The following SPATA17 variants were observed in gnomAD, a reference collection of about 807,000 sequenced individuals.
The protein encoded by SPATA17 is spermatogenesis-associated protein 17.
A neutral mutation model predicts 62.2 loss-of-function variants in SPATA17; 53 were observed. The observed-to-expected ratio is 0.85, with a 90% CI of 0.68 to 1.07. SPATA17 has a LOEUF of 1.07. Ranked by LOEUF, SPATA17 falls within the 50% of genes least tolerant of loss-of-function variation. The pLI, the probability that SPATA17 is intolerant of heterozygous loss-of-function variation, is 0.00. For missense variants in SPATA17, 466 were observed against 425.5 expected (o/e 1.10, Z -0.84); for synonymous variants, 146 against 146.8 (o/e 0.99, Z 0.04).
chr1:217,799,513 T>G (rs1674250053), intron 8 of SPATA17, among the ~76,000 whole-genome samples: 2 of 152,162 alleles, frequency 1.3e-5, no homozygotes, highest in Admixed American at 1.3e-4. Flanking sequence ...ATAATCTATC[T>G]TATATGAGAG....
intron 5 of SPATA17, among the ~76,000 whole-genome samples, chr1:217,716,287 C>G (rs1043064773): frequency 6.6e-6 from 1 of 152,060 alleles, no homozygotes; most frequent in Non-Finnish European, 1.5e-5. Flanking sequence ...AGAATAGAAA[C>G]GTGAAAGAAG....
At chr1:217,808,832 T>A (rs1228029103) in intron 9 of SPATA17, among the ~76,000 whole-genome samples, 1 of 149,296 alleles carries the variant, frequency 6.7e-6, no homozygotes, top group Non-Finnish European at 1.5e-5. Flanking sequence ...TCCAGTCTGG[T>A]GACAGAGCGA....
Position 217,631,365 on chromosome 1 carries a change from A to G in SPATA17, c.-14A>G, listed in dbSNP as rs1669761956. On this transcript the variant is annotated 5_prime_UTR_variant, in exon 1 of 11. Transcript: ENST00000366933. ...CGGTAGTAACACCAGTTGTAAACCC[A>G]AGGCCAAGAGACCATGGCCACGTTA... The G allele has an allele frequency of 2.5e-6, 4 of 1,614,076 alleles. No individual in the cohort carries two copies. The highest frequency in any genetic ancestry group is 2.2e-5 in the South Asian group (2 of 91,080).
intron 3 of SPATA17, 128 bp downstream of exon 3, chr1:217,651,306 G>A: frequency 4.5e-6 from 3 of 670,326 alleles, no homozygotes; most frequent in Non-Finnish European, 7.1e-6. Context: ...ACAAAATTGG[G>A]CTTAATTTTT....
intron 5 of SPATA17, among the ~76,000 whole-genome samples, chr1:217,715,405 AT>A (rs1285447233): frequency 6.6e-6 from 1 of 152,146 alleles, no homozygotes; most frequent in African/African-American, 2.4e-5. Flanking sequence ...TAATATGAAC[AT>A]TATTCCAATT....
chr1:217,730,397 A>G (rs564273921), intron 5 of SPATA17, among the ~76,000 whole-genome samples: 35 of 152,040 alleles, frequency 2.3e-4, no homozygotes, highest in South Asian at 4.1e-4. Context: ...TTGTATTTTT[A>G]GTAGAGACAG....
At position 217,725,114 on chromosome 1, in the gene SPATA17, C is replaced by G. The variant is rs1379215585; in HGVS notation, c.396-16861C>G. ...TTGTCACACTGAATATTGAATCTCT[C>G]TGGAATCTATTTAATACAAGGAGTG... is the stretch of plus-strand genomic sequence containing the variant. On this transcript the variant is annotated intron_variant, in intron 5 of 10. Transcript: ENST00000366933. Among the ~76,000 whole-genome samples the G allele has an allele frequency of 4.6e-5, 7 of 152,122 alleles. 1 individual carries two copies. Among genetic ancestry groups the G allele is most frequent in the Admixed American group, 3.3e-4 (5 of 15,280 alleles).
At chr1:217,859,343 C>CTA (rs974873113) in intron 9 of SPATA17, among the ~76,000 whole-genome samples, 26 of 149,114 alleles carry the variant, frequency 1.7e-4, no homozygotes, top group African/African-American at 6.1e-4. Context: ...ATGTAATTTT[C>CTA]TATATATATA....
At chr1:217,741,410 C>T (rs1432738787) in intron 5 of SPATA17, among the ~76,000 whole-genome samples, 3 of 152,056 alleles carry the variant, frequency 2.0e-5, no homozygotes, top group African/African-American at 2.4e-5. Context: ...TTCGAATTAT[C>T]TGTGTAATTG....
intron 4 of SPATA17, among the ~76,000 whole-genome samples, chr1:217,681,468 G>A (rs930479999): frequency 1.1e-4 from 16 of 151,878 alleles, no homozygotes; most frequent in Non-Finnish European, 1.9e-4. Flanking sequence ...CTGCCTCCCC[G>A]GTTCAAGCGA....
At chr1:217,737,143 C>T (rs1290056084) in intron 5 of SPATA17, among the ~76,000 whole-genome samples, 1 of 152,174 alleles carries the variant, frequency 6.6e-6, no homozygotes, top group Non-Finnish European at 1.5e-5. Context: ...AATTCTAACT[C>T]TGTCACTTTC....
intron 9 of SPATA17, among the ~76,000 whole-genome samples, chr1:217,812,700 T>C (rs539269109): frequency 7.9e-4 from 121 of 152,214 alleles, no homozygotes; most frequent in Non-Finnish European, 1.2e-3. Context: ...TTAATCTATT[T>C]GGGTAGATCT....
At chr1:217,865,352 A>C (rs1427911197) in intron 10 of SPATA17, among the ~76,000 whole-genome samples, 1 of 152,190 alleles carries the variant, frequency 6.6e-6, no homozygotes, top group African/African-American at 2.4e-5. Flanking sequence ...CCTTTATCAG[A>C]TTAATCTTTC....
intron 9 of SPATA17, among the ~76,000 whole-genome samples, chr1:217,835,444 G>A (rs563884016): frequency 4.7e-4 from 71 of 152,114 alleles, no homozygotes; most frequent in Non-Finnish European, 8.1e-4. Flanking sequence ...GAATTAGCTG[G>A]CGTATTTATC....
At chr1:217,859,100 G>A (rs1291134883) in intron 9 of SPATA17, among the ~76,000 whole-genome samples, 2 of 145,992 alleles carry the variant, frequency 1.4e-5, no homozygotes, top group African/African-American at 2.5e-5. Context: ...ATTATATAGA[G>A]AGAAATGTTT....
intron 5 of SPATA17, among the ~76,000 whole-genome samples, chr1:217,716,004 A>G (rs17725494): frequency 0.39 from 59,982 of 152,008 alleles, 12,366 homozygotes; most frequent in Non-Finnish European, 0.46. Context: ...AGGAAACTCA[A>G]TTCAAAAGAT....
chr1:217,683,177 A>G (rs1671135873), intron 4 of SPATA17, 81 bp from the exon 5 acceptor site: 1 of 938,228 alleles, frequency 1.1e-6, no homozygotes, highest in African/African-American at 1.7e-5. Context: ...ATCAGCCATA[A>G]TTACCTTAAT....
rs4421649 is a variant in SPATA17 at position 217,722,830 on chromosome 1, C to T, written c.396-19145C>T. On this transcript the variant is annotated intron_variant, in intron 5 of 10. Coordinates refer to ENST00000366933, the MANE Select transcript of SPATA17 (RefSeq NM_138796.4). ...CATTGATCTTTGGTCTGCAAGGTATCGTGACTTTTTTTTTTCCTGCTGAGG... is the reference window on the plus strand; with the variant it reads ...CATTGATCTTTGGTCTGCAAGGTATTGTGACTTTTTTTTTTCCTGCTGAGG... Among the ~76,000 whole-genome samples, 1,416 of 152,164 alleles carry T rather than the reference C, an allele frequency of 9.3e-3. 21 individuals are homozygous for T. Among genetic ancestry groups the T allele is most frequent in the African/African-American group, 0.032 (1,347 of 41,518 alleles).
intron 7 of SPATA17, among the ~76,000 whole-genome samples, chr1:217,777,537 T>G (rs11117930): frequency 0.77 from 116,369 of 151,952 alleles, 44,967 homozygotes; most frequent in Non-Finnish European, 0.81. Flanking sequence ...AAGTAGCTGG[T>G]ATTACAGGCA....
Sources: allele counts gnomAD v4.1 joint callset (sites outside exome capture counted in the v4.1 genomes callset), GRCh38; gene constraint gnomAD v4.1.1; transcripts MANE v1.5; gene names NCBI Gene and HGNC (gene_info 2026-07-23, HGNC 2026-07-21).